The following C2orf92 variants were observed in gnomAD, a reference collection of about 807,000 sequenced individuals.
C2orf92 encodes chromosome 2 open reading frame 92, also known as uncharacterized protein C2orf92.
upstream of C2orf92, chr2:97,669,023 G>A (rs1675320827): frequency 6.6e-6 from 1 of 152,248 alleles, no homozygotes; most frequent in East Asian, 1.9e-4. Context: ...AACAGACACT[G>A]TAAGAACATG....
chr2:97,685,432 A>C (rs1675926852), intron 3 of C2orf92, among the ~76,000 whole-genome samples: 2 of 150,116 alleles, frequency 1.3e-5, no homozygotes, highest in Non-Finnish European at 3.0e-5. Context: ...TGGCCGGCTA[A>C]TTTTTTGTAT....
intron 3 of C2orf92, among the ~76,000 whole-genome samples, chr2:97,677,216 G>A (rs1675612500): frequency 1.3e-5 from 2 of 152,120 alleles, no homozygotes; most frequent in Admixed American, 1.3e-4. Context: ...ATAGAGACCT[G>A]TCTTCTAAAA....
intron 3 of C2orf92, among the ~76,000 whole-genome samples, chr2:97,676,451 A>G (rs141537633): frequency 4.2e-3 from 154 of 36,618 alleles, no homozygotes; most frequent in Non-Finnish European, 0.012. Flanking sequence ...AAAAAAAAGA[A>G]AAAAAAAAAA....
intron 6 of C2orf92, among the ~76,000 whole-genome samples, 188 bp from the exon 7 acceptor site, chr2:97,700,966 C>T (rs932057859): frequency 2.0e-5 from 3 of 152,170 alleles, no homozygotes; most frequent in Non-Finnish European, 2.9e-5. Context: ...CTCCTGACCT[C>T]GTGATCCGCC....
At chr2:97,696,994 A>G (rs1486560093) in intron 5 of C2orf92, among the ~76,000 whole-genome samples, 1 of 152,206 alleles carries the variant, frequency 6.6e-6, no homozygotes, top group African/African-American at 2.4e-5. Context: ...TGAAGATGAA[A>G]GACTTCAACT....
intron 3 of C2orf92, among the ~76,000 whole-genome samples, chr2:97,685,625 C>T (rs1465841671): frequency 2.0e-5 from 3 of 151,304 alleles, no homozygotes; most frequent in African/African-American, 7.3e-5. Context: ...GGCAGTGGCG[C>T]AATCTCGGAT....
intron 3 of C2orf92, among the ~76,000 whole-genome samples, chr2:97,680,850 C>T (rs1045824007): frequency 6.6e-6 from 1 of 151,782 alleles, no homozygotes; most frequent in Non-Finnish European, 1.5e-5. Flanking sequence ...GGCATGAACC[C>T]GGGAGGTGGA....
chr2:97,677,237 G>A lies in C2orf92; in HGVS notation c.232+1309G>A, dbSNP rs76336940. The stretch of plus-strand genomic sequence containing the variant: ...ACCTGTCTTCTAAAACTCAGGGCGC[G>A]TATTTTGATTGCTGATTGCTACTTT... On this transcript the variant is annotated intron_variant, in intron 3 of 7. Transcript: ENST00000627399. Among the ~76,000 whole-genome samples, 697 of 152,212 alleles carry A rather than the reference G, an allele frequency of 4.6e-3. 4 individuals carry two copies. Among genetic ancestry groups the A allele is most frequent in the African/African-American group, 0.016 (657 of 41,534 alleles).
At chr2:97,664,615 G>A (rs1675145507) in intron 1 of C2orf92, 1 of 151,814 alleles carries the variant, frequency 6.6e-6, no homozygotes, top group African/African-American at 2.4e-5. Flanking sequence ...GTTAAAAATT[G>A]CCGATGTCGA....
Position 97,688,455 on chromosome 2 carries a change from G to A in C2orf92, c.233-440G>A, listed in dbSNP as rs78676910. ...GGAGAACTTAATGTATTTCAAAAAT[G>A]TAACCCTCATGAATTAGCAACAGTT... On this transcript the variant is annotated intron_variant, in intron 3 of 7. Transcript: ENST00000627399. Among the ~76,000 whole-genome samples the A allele has an allele frequency of 5.9e-5, 9 of 152,294 alleles. No individual in the cohort carries two copies. The East Asian group carries it at 1.7e-3, about 29-fold the overall frequency.
At chr2:97,678,400 A>G (rs1248344438) in intron 3 of C2orf92, among the ~76,000 whole-genome samples, 1 of 152,052 alleles carries the variant, frequency 6.6e-6, no homozygotes, top group East Asian at 1.9e-4. Flanking sequence ...CAATGTTTGA[A>G]TGAAGAATAG....
At chr2:97,691,755 A>C (rs974339639) in intron 5 of C2orf92, among the ~76,000 whole-genome samples, 1 of 152,044 alleles carries the variant, frequency 6.6e-6, no homozygotes, top group Admixed American at 6.6e-5. Context: ...GCTCCCCTGT[A>C]GTCAGGAGTT....
At chr2:97,668,635 T>A (rs1282642763), upstream of C2orf92, 1 of 152,316 alleles carries the variant, frequency 6.6e-6, no homozygotes, top group Admixed American at 6.6e-5. Flanking sequence ...ACTGTGCGGG[T>A]CCACTTCTAT....
chr2:97,678,156 C>T (rs534039940), intron 3 of C2orf92, among the ~76,000 whole-genome samples: 19 of 151,094 alleles, frequency 1.3e-4, no homozygotes, highest in East Asian at 3.9e-4. Flanking sequence ...GCCGAGATCG[C>T]GCCATTGCAC....
chr2:97,685,557 G>GCCCAGCCAGTTTTACAT (rs1675931855), intron 3 of C2orf92, among the ~76,000 whole-genome samples: 1 of 149,400 alleles, frequency 6.7e-6, no homozygotes. Context: ...GAGCCACTGT[G>GCCCAGCCAGTTTTACAT]CTGGCCTTTT....
At chr2:97,692,776 A>G (rs1676180270) in intron 5 of C2orf92, among the ~76,000 whole-genome samples, 1 of 152,206 alleles carries the variant, frequency 6.6e-6, no homozygotes, top group Non-Finnish European at 1.5e-5. Context: ...TTGCATTGCT[A>G]ATACCTCTAG....
At chr2:97,680,892 C>T (rs1252731773) in intron 3 of C2orf92, among the ~76,000 whole-genome samples, 1 of 151,914 alleles carries the variant, frequency 6.6e-6, no homozygotes, top group African/African-American at 2.4e-5. Flanking sequence ...CGCCACTGCA[C>T]TCCAGCCTGG....
intron 6 of C2orf92, among the ~76,000 whole-genome samples, chr2:97,700,434 T>A (rs952873622): frequency 6.6e-6 from 1 of 152,168 alleles, no homozygotes; most frequent in Non-Finnish European, 1.5e-5. Context: ...CCTCCATTGT[T>A]CTTAAAATCC....
chr2:97,690,546 A>G (rs1676097099), intron 5 of C2orf92, among the ~76,000 whole-genome samples: 1 of 151,724 alleles, frequency 6.6e-6, no homozygotes, highest in African/African-American at 2.4e-5. Flanking sequence ...ACGCCTGGCT[A>G]ATTTTTTGTA....
Sources: gnomAD v4.1 joint callset for allele counts (sites outside exome capture counted in the v4.1 genomes callset) on GRCh38, gnomAD v4.1.1 for gene constraint, MANE v1.5 for transcripts, NCBI Gene and HGNC (gene_info 2026-07-23, HGNC 2026-07-21) for gene names.